LYPD6: variants seen among roughly 807,000 people sequenced by gnomAD.
LYPD6 encodes LY6/PLAUR domain containing 6.
Under a neutral mutation model 22.7 loss-of-function variants are expected in LYPD6, and 15 were observed. The observed-to-expected ratio is 0.66, with a 90% CI of 0.44 to 1.02. The LOEUF (loss-of-function observed/expected upper bound fraction) is 1.02, where lower values mean the gene tolerates loss of function less well. Ranked by LOEUF, LYPD6 falls within the 50% of genes least tolerant of loss-of-function variation. The pLI is 0.00. For missense variants in LYPD6, 189 were observed against 208.4 expected (o/e 0.91, Z 0.57); for synonymous variants, 72 against 77.5 (o/e 0.93, Z 0.37).
intron 1 of LYPD6, among the ~76,000 whole-genome samples, chr2:149,418,669 C>G (rs1683016110): frequency 6.6e-6 from 1 of 152,242 alleles, no homozygotes; most frequent in Non-Finnish European, 1.5e-5. Context: ...CTAGCAGATT[C>G]AGAGAAGGCC....
chr2:149,459,032 A>G (rs1217350891), intron 3 of LYPD6, among the ~76,000 whole-genome samples: 1 of 152,218 alleles, frequency 6.6e-6, no homozygotes, highest in Non-Finnish European at 1.5e-5. Context: ...AAAAGTACTC[A>G]AAGAATTAGC....
chr2:149,417,254 T>C (rs1471718655), intron 1 of LYPD6, among the ~76,000 whole-genome samples: 2 of 152,240 alleles, frequency 1.3e-5, no homozygotes, highest in African/African-American at 2.4e-5. Context: ...CAAGGCCTAT[T>C]TTATGATTCT....
chr2:149,371,651 G>A (rs1317702630), intron 1 of LYPD6, among the ~76,000 whole-genome samples: 2 of 152,138 alleles, frequency 1.3e-5, no homozygotes, highest in Non-Finnish European at 2.9e-5. Context: ...TGCCTCACAC[G>A]TGCCTGGAAT....
chr2:149,458,381 C>T (rs945548039), intron 3 of LYPD6, among the ~76,000 whole-genome samples: 3 of 152,078 alleles, frequency 2.0e-5, no homozygotes, highest in Admixed American at 1.3e-4. Flanking sequence ...CACCCTTCAC[C>T]GCCACCCATT....
intron 1 of LYPD6, among the ~76,000 whole-genome samples, chr2:149,379,892 A>G (rs894244559): frequency 1.4e-4 from 21 of 152,214 alleles, no homozygotes; most frequent in Admixed American, 1.2e-3. Flanking sequence ...ACTGACAGTG[A>G]GCAAGATAAA....
downstream of LYPD6, among the ~76,000 whole-genome samples, chr2:149,478,399 T>TGTGTGTGTGC (rs1491190671): frequency 0.061 from 9,137 of 150,020 alleles, 310 homozygotes; most frequent in East Asian, 0.12. Flanking sequence ...TGTGTGTGTG[T>TGTGTGTGTGC]GCGCGCACGC....
chr2:149,481,218 C>A, the LYPD6 span, among the ~76,000 whole-genome samples: 2 of 152,192 alleles, frequency 1.3e-5, no homozygotes, highest in Non-Finnish European at 2.9e-5. Flanking sequence ...AATCTCAAGG[C>A]ATCACAGCTA....
At chr2:149,454,470 T>C (rs1258961033) in intron 3 of LYPD6, among the ~76,000 whole-genome samples, 1 of 152,236 alleles carries the variant, frequency 6.6e-6, no homozygotes, top group Admixed American at 6.5e-5. Flanking sequence ...TAGTAGATCA[T>C]TATATGAATA....
intron 2 of LYPD6, among the ~76,000 whole-genome samples, chr2:149,441,701 C>A (rs1308171761): frequency 2.0e-5 from 3 of 151,980 alleles, no homozygotes; most frequent in Non-Finnish European, 4.4e-5. Context: ...ATTCAAATAC[C>A]AAATCAAATA....
intron 2 of LYPD6, among the ~76,000 whole-genome samples, chr2:149,444,392 CTG>C (rs1390435997): frequency 1.3e-5 from 2 of 152,140 alleles, no homozygotes; most frequent in Admixed American, 1.3e-4. Flanking sequence ...GCTGGGGTAG[CTG>C]TGGCAATTTT....
chr2:149,426,054 A>G (rs1427405690), intron 1 of LYPD6, among the ~76,000 whole-genome samples: 1 of 152,218 alleles, frequency 6.6e-6, no homozygotes, highest in African/African-American at 2.4e-5. Flanking sequence ...GTTGGCTGCT[A>G]ATGAACCCAG....
intron 1 of LYPD6, among the ~76,000 whole-genome samples, chr2:149,400,505 A>G (rs988181099): frequency 6.6e-6 from 1 of 152,202 alleles, no homozygotes; most frequent in African/African-American, 2.4e-5. Flanking sequence ...TATTGTTTAA[A>G]CGAATGCTGT....
chr2:149,470,768 C>G lies in LYPD6; in HGVS notation c.434C>G (p.Pro145Arg), dbSNP rs896321558. 6 of 1,613,816 alleles carry G rather than the reference C, an allele frequency of 3.7e-6. No individual in the cohort carries two copies. In the Admixed American group the frequency reaches 5.0e-5, roughly 13 times the overall value. The change falls in exon 5 of 5, where the codon CCT becomes CGT. Residue 145 changes from proline (P) to arginine (R), a missense_variant. By Grantham distance (103) the Pro-to-Arg change is moderately radical. Coordinates refer to ENST00000334166, the MANE Select transcript of LYPD6 (RefSeq NM_194317.5). Reference sequence around the variant, plus strand: ...GATGCCACATTTGCCACGACGTCACCTATAAATCAGACAAATGGGCACCCA... The same window carrying G: ...GATGCCACATTTGCCACGACGTCACGTATAAATCAGACAAATGGGCACCCA... ...ETDATFATTS[P>R]INQTNGHPRC...
chr2:149,425,601 T>G (rs932551191), intron 1 of LYPD6, among the ~76,000 whole-genome samples: 2 of 152,230 alleles, frequency 1.3e-5, no homozygotes, highest in African/African-American at 2.4e-5. Context: ...CCTGTATCCT[T>G]TTCTACCTGA....
intron 1 of LYPD6, among the ~76,000 whole-genome samples, chr2:149,331,465 T>C (rs2105039396): frequency 6.6e-6 from 1 of 152,268 alleles, no homozygotes; most frequent in Middle Eastern, 3.4e-3. Flanking sequence ...ACCGCTGCCC[T>C]CCTCCAGTCC....
chr2:149,408,487 T>G (rs1189761156), intron 1 of LYPD6, among the ~76,000 whole-genome samples: 1 of 152,236 alleles, frequency 6.6e-6, no homozygotes, highest in African/African-American at 2.4e-5. Context: ...TCCTTGATTA[T>G]TTCGTCAAAT....
intron 1 of LYPD6, among the ~76,000 whole-genome samples, chr2:149,358,718 T>C (rs1297698642): frequency 2.0e-5 from 3 of 152,136 alleles, no homozygotes; most frequent in African/African-American, 7.2e-5. Context: ...TTCTAGATAT[T>C]AGTAGTTTTC....
chr2:149,470,454 A>C (rs905249171), intron 4 of LYPD6, among the ~76,000 whole-genome samples: 4 of 152,176 alleles, frequency 2.6e-5, no homozygotes, highest in South Asian at 2.1e-4. Flanking sequence ...GGTGTCAAAA[A>C]CAAAACCTAG....
chr2:149,406,204 T>C (rs1682702891), intron 1 of LYPD6, among the ~76,000 whole-genome samples: 1 of 151,116 alleles, frequency 6.6e-6, no homozygotes, highest in Admixed American at 6.6e-5. Context: ...AAAAAATGTA[T>C]ATTCTGTTGA....
Sources: allele counts gnomAD v4.1 joint callset (sites outside exome capture counted in the v4.1 genomes callset), GRCh38; gene constraint gnomAD v4.1.1; transcripts MANE v1.5; gene names NCBI Gene and HGNC (gene_info 2026-07-23, HGNC 2026-07-21).